The following PCNX1 variants were observed in gnomAD, a reference collection of about 807,000 sequenced individuals.
The protein encoded by PCNX1 is pecanex-like protein 1.
PCNX1 carries 78 observed loss-of-function variants against 242.2 expected under a neutral mutation model. The ratio of observed to expected loss-of-function variants is 0.32; its 90% CI spans 0.27 to 0.39. PCNX1 has a LOEUF of 0.39. Among genes scored for constraint, PCNX1 ranks in the 10% least tolerant of loss-of-function variants. The pLI is 1.00. For missense variants in PCNX1, 2,581 were observed against 2,856.5 expected (o/e 0.90, Z 2.20); for synonymous variants, 1,024 against 1,032.9 (o/e 0.99, Z 0.17).
At chr14:70,947,968 C>T (rs559711609) in intron 2 of PCNX1, among the ~76,000 whole-genome samples, 1 of 152,274 alleles carries the variant, frequency 6.6e-6, no homozygotes, top group African/African-American at 2.4e-5. Context: ...GAAATATGCC[C>T]TGGTCTCCAG....
rs568077674 is a variant in PCNX1 at position 70,978,366 on chromosome 14, C to T, written c.2029C>T (p.Arg677Trp). The T allele has an allele frequency of 2.0e-5, 32 of 1,614,082 alleles. No homozygotes were observed. The highest frequency in any genetic ancestry group is 1.6e-4 in the Middle Eastern group (1 of 6,084). Residue 677 changes from arginine to tryptophan, a missense_variant, in exon 6 of 36, where the codon CGG (arginine) becomes TGG (tryptophan). This residue lies in a region of PCNX1 where 1,204 missense variants were observed against 1,216.7 expected (regional missense o/e 0.99). Transcript: ENST00000304743. ...EGTSKKRATR[R>W]TSSTNSAKTR... ...AACCAGCAAAAAGCGTGCAACACGA[C>T]GGACTTCTAGCACAAATAGTGCCAA... is the stretch of plus-strand genomic sequence containing the variant.
At chr14:70,974,438 C>T (rs1412452321) in intron 5 of PCNX1, among the ~76,000 whole-genome samples, 1 of 151,874 alleles carries the variant, frequency 6.6e-6, no homozygotes, top group Non-Finnish European at 1.5e-5. Flanking sequence ...CAGCCAGTGC[C>T]ACCTTTTTCA....
chr14:70,994,533 G>A (rs1206516954), intron 7 of PCNX1, among the ~76,000 whole-genome samples: 1 of 150,386 alleles, frequency 6.6e-6, no homozygotes. Context: ...GAATTCAAAG[G>A]ATTAGAGAGA....
chr14:70,919,532 A>G (rs925822733), intron 1 of PCNX1, among the ~76,000 whole-genome samples: 8 of 152,158 alleles, frequency 5.3e-5, no homozygotes, highest in African/African-American at 1.9e-4. Context: ...ATAACACTAG[A>G]ATAGCACAGA....
At chr14:70,910,634 A>G (rs1408184035) in intron 1 of PCNX1, among the ~76,000 whole-genome samples, 2 of 152,132 alleles carry the variant, frequency 1.3e-5, no homozygotes, top group Non-Finnish European at 2.9e-5. Flanking sequence ...CCCAGCTCTC[A>G]CAAGACTCCA....
intron 8 of PCNX1, among the ~76,000 whole-genome samples, chr14:71,008,677 A>G (rs905912261): frequency 5.3e-5 from 8 of 151,142 alleles, no homozygotes; most frequent in African/African-American, 1.9e-4. Flanking sequence ...AAAAAAAAAA[A>G]AAAAAGGGAT....
intron 1 of PCNX1, among the ~76,000 whole-genome samples, chr14:70,932,221 G>A (rs535502590): frequency 5.6e-4 from 86 of 152,298 alleles, no homozygotes; most frequent in Admixed American, 1.8e-3. Context: ...CTAATAGCTG[G>A]ATGTGAAACT....
intron 18 of PCNX1, 111 bp from the exon 19 acceptor site, chr14:71,035,954 T>G: frequency 1.5e-6 from 1 of 672,124 alleles, no homozygotes; most frequent in Non-Finnish European, 2.6e-6. Flanking sequence ...TAATACTGAC[T>G]GAGCTAGCCA....
chr14:70,937,913 A>G (rs1272869359), intron 1 of PCNX1, among the ~76,000 whole-genome samples: 5 of 152,186 alleles, frequency 3.3e-5, no homozygotes, highest in Non-Finnish European at 7.4e-5. Flanking sequence ...ATGGGAGTTC[A>G]TTCATGATTT....
intron 12 of PCNX1, among the ~76,000 whole-genome samples, chr14:71,019,642 C>T (rs1303626240): frequency 3.3e-5 from 5 of 152,098 alleles, no homozygotes; most frequent in Admixed American, 6.5e-5. Flanking sequence ...CCTCGTGATC[C>T]GCCTGCCTTG....
intron 33 of PCNX1, among the ~76,000 whole-genome samples, chr14:71,106,747 C>G (rs1178000349): frequency 6.6e-6 from 1 of 152,050 alleles, no homozygotes; most frequent in South Asian, 2.1e-4. Context: ...TCAGCAGCTC[C>G]TCTTTCTAAA....
chr14:71,030,942 T>A (rs2060364342), intron 16 of PCNX1, among the ~76,000 whole-genome samples: 1 of 152,210 alleles, frequency 6.6e-6, no homozygotes, highest in African/African-American at 2.4e-5. Flanking sequence ...GAGATTTCTT[T>A]TTTTTACATT....
At chr14:71,036,950 CTCTTT>C (rs1474703900) in intron 19 of PCNX1, among the ~76,000 whole-genome samples, 1 of 151,866 alleles carries the variant, frequency 6.6e-6, no homozygotes, top group Non-Finnish European at 1.5e-5. Flanking sequence ...TGTTTGTATC[CTCTTT>C]TATTTCCTTG....
intron 10 of PCNX1, chr14:71,012,312 G>A (rs1382927516): frequency 6.5e-6 from 1 of 154,204 alleles, no homozygotes; most frequent in Non-Finnish European, 1.4e-5. Context: ...GACTATAAAT[G>A]TGAGAAGAGA....
chr14:70,935,039 T>C (rs1466220113), intron 1 of PCNX1, among the ~76,000 whole-genome samples: 1 of 152,166 alleles, frequency 6.6e-6, no homozygotes, highest in Non-Finnish European at 1.5e-5. Context: ...AGTTAAACTG[T>C]TACAGCACAG....
chr14:70,946,356 G>C (rs1157094646), intron 1 of PCNX1, among the ~76,000 whole-genome samples: 1 of 152,110 alleles, frequency 6.6e-6, no homozygotes, highest in Non-Finnish European at 1.5e-5. Context: ...CGGTTGCACA[G>C]AGCCCATAAA....
At chr14:71,018,510 T>G (rs1013345744) in intron 11 of PCNX1, among the ~76,000 whole-genome samples, 2 of 152,148 alleles carry the variant, frequency 1.3e-5, no homozygotes, top group Admixed American at 1.3e-4. Context: ...GTGAGTTTTC[T>G]AATTCTTTCA....
rs565053651 is a variant in PCNX1, at chr14:71,067,369, AT to A, written c.4853-6168del. ...GGTGTATGTGTCCAGAAATTTATCT[AT>A]TTTTTTTCTAGACTTTCTAGTTTAT... On this transcript the variant is annotated intron_variant, in intron 26 of 35. Coordinates refer to ENST00000304743, the MANE Select transcript of PCNX1 (RefSeq NM_014982.3). Among the ~76,000 whole-genome samples the A allele has an allele frequency of 6.6e-5, 10 of 150,952 alleles. No individual in the cohort carries two copies. The East Asian group carries it at 1.8e-3, about 27-fold the overall frequency.
chr14:70,940,975 C>T (rs1465613789), intron 1 of PCNX1, among the ~76,000 whole-genome samples: 1 of 152,216 alleles, frequency 6.6e-6, no homozygotes, highest in Non-Finnish European at 1.5e-5. Flanking sequence ...TCAGCTCCAT[C>T]AGGTCATTTA....
Sources: allele counts gnomAD v4.1 joint callset (sites outside exome capture counted in the v4.1 genomes callset), GRCh38; gene constraint gnomAD v4.1.1; regional missense constraint gnomAD v4.1.1; transcripts MANE v1.5; gene names NCBI Gene and HGNC (gene_info 2026-07-23, HGNC 2026-07-21).